The following PSMG4 variants were observed in gnomAD, a reference collection of about 807,000 sequenced individuals.
The protein encoded by PSMG4 is proteasome assembly chaperone 4.
In PSMG4, 10 loss-of-function variants were observed where a neutral mutation model predicts 11.0. The ratio of observed to expected loss-of-function variants is 0.91; its 90% confidence interval spans 0.56 to 1.54. The LOEUF (loss-of-function observed/expected upper bound fraction) is 1.54. Among genes scored for constraint, PSMG4 ranks in the 40% most tolerant of loss-of-function variants. The pLI is 0.00. For synonymous variants in PSMG4, 95 were observed against 71.3 expected, an observed-to-expected ratio of 1.33 and a Z score of -1.68; for missense variants, 198 against 160.9, an observed-to-expected ratio of 1.23 and a Z score of -1.25.
At chr6:3,259,762 C>G (rs1334645436) in intron 1 of PSMG4, among the ~76,000 whole-genome samples, 2 of 152,184 alleles carry the variant, frequency 1.3e-5, no homozygotes, top group Non-Finnish European at 2.9e-5. Flanking sequence ...CCAGTCAAAG[C>G]AGACAAAACC....
chr6:3,268,009 A>C lies in PSMG4; in HGVS notation c.*297A>C. ...AGAGTTTCAATCAGACATGACTGTG[A>C]CGTGCATCCTCAATTAGAATTAAAG... On this transcript the variant is annotated 3_prime_UTR_variant, in exon 3 of 3. Coordinates refer to ENST00000438998, the MANE Select transcript of PSMG4 (RefSeq NM_001128591.2). 1 of 232,738 alleles carries C rather than the reference A, an allele frequency of 4.3e-6. No homozygotes were observed. The allele number at this position is 232,738 out of a possible 1,614,324, so 14.4% of individuals were successfully genotyped here. A position where few individuals can be genotyped will look rare whatever the true frequency, so the allele number is the denominator to read the frequency against.
At chr6:3,256,396 C>T (rs193281614), upstream of PSMG4, among the ~76,000 whole-genome samples, 25 of 152,332 alleles carry the variant, frequency 1.6e-4, no homozygotes, top group Non-Finnish European at 2.6e-4. Flanking sequence ...GATGGTTCCC[C>T]ACTCGAGAAG....
chr6:3,255,438 C>T (rs961609664), upstream of PSMG4, among the ~76,000 whole-genome samples: 3 of 124,814 alleles, frequency 2.4e-5, no homozygotes, highest in Admixed American at 2.8e-4. Context: ...GCCACATGCC[C>T]CTTCTCAGAC....
At chr6:3,254,575 G>GT (rs1288701509), upstream of PSMG4, among the ~76,000 whole-genome samples, 1 of 152,086 alleles carries the variant, frequency 6.6e-6, no homozygotes, top group Non-Finnish European at 1.5e-5. Context: ...TGTGAGGCTG[G>GT]GAACCCAACG....
upstream of PSMG4, among the ~76,000 whole-genome samples, chr6:3,257,428 C>T (rs1389352119): frequency 1.3e-5 from 2 of 152,164 alleles, no homozygotes; most frequent in African/African-American, 2.4e-5. Context: ...CCATGCCAGC[C>T]AGGCCTTGAA....
At position 3,263,543 on chromosome 6, in the gene PSMG4, C is replaced by G; in HGVS notation, c.175-141C>G. The G allele has an allele frequency of 6.0e-6, 4 of 672,028 alleles. No homozygotes were observed. The South Asian group carries it at 6.5e-5, about 11-fold the overall frequency. The allele number at this position is 672,028 out of a possible 1,614,324, so 41.6% of individuals were successfully genotyped here. ...ACTTGGTTGTTGACGGACGCCACCCCTCTTTCCCTCGGCACCTGTGCCTGT... is the reference window on the plus strand; with the variant it reads ...ACTTGGTTGTTGACGGACGCCACCCGTCTTTCCCTCGGCACCTGTGCCTGT... On this transcript the variant is annotated intron_variant, in intron 1 of 2. Coordinates refer to ENST00000438998, the MANE Select transcript of PSMG4 (RefSeq NM_001128591.2).
At chr6:3,264,503 C>G in intron 2 of PSMG4, 5 of 1,223,186 alleles carry the variant, frequency 4.1e-6, no homozygotes, top group Middle Eastern at 2.9e-4. Context: ...ACCTCTGTGT[C>G]AGTCACACTG....
upstream of PSMG4, among the ~76,000 whole-genome samples, chr6:3,258,345 T>G (rs1222730041): frequency 6.6e-6 from 1 of 152,218 alleles, no homozygotes. Context: ...GGACTCGGCG[T>G]CCAAAAGGGT....
chr6:3,266,833 G>A (rs1758200158), intron 2 of PSMG4: 1 of 149,120 alleles, frequency 6.7e-6, no homozygotes. Context: ...TGGTGCTGAA[G>A]GAGAACTTTA....
At position 3,267,987 on chromosome 6, in the gene PSMG4, G is replaced by A; in HGVS notation, c.*275G>A. 3.3e-6 allele frequency: 1 copy of A among 299,832 alleles called. No individual in the cohort carries two copies. The highest frequency in any genetic ancestry group is 5.1e-5 in the South Asian group (1 of 19,484). The allele number at this position is 299,832 out of a possible 1,614,324, so 18.6% of individuals were successfully genotyped here. A position where few individuals can be genotyped will look rare whatever the true frequency, so the allele number is the denominator to read the frequency against. On this transcript the variant is annotated 3_prime_UTR_variant, in exon 3 of 3. Coordinates refer to ENST00000438998, the MANE Select transcript of PSMG4 (RefSeq NM_001128591.2). ...TGGGATTGAAGACTGTAATCTAAGA[G>A]TTTCAATCAGACATGACTGTGACGT...
At chr6:3,255,232 A>G (rs1757718597), upstream of PSMG4, 3 of 1,549,506 alleles carry the variant, frequency 1.9e-6, no homozygotes, top group South Asian at 2.4e-5. Context: ...CAACTCTGGT[A>G]AGCCTTCCAT....
intron 2 of PSMG4, 101 bp from the exon 3 acceptor site, chr6:3,267,490 C>G: frequency 7.3e-7 from 1 of 1,378,790 alleles, no homozygotes. Flanking sequence ...CCCTACAACC[C>G]CATCCTCTTT....
chr6:3,256,023 A>G (rs1441151267), upstream of PSMG4, among the ~76,000 whole-genome samples: 1 of 152,246 alleles, frequency 6.6e-6, no homozygotes, highest in African/African-American at 2.4e-5. Context: ...TTGGGTTTAT[A>G]GAAGTCAATT....
In PSMG4 at chr6:3,258,958, T is replaced by G. The variant is rs1311680764; in HGVS notation, c.-65T>G. ...GTCTCTCGGTGCTCGCTCCATCGGG[T>G]CTGGCGGGGCTGGCAGCGGCGAGGA... On this transcript the variant is annotated 5_prime_UTR_variant, in exon 1 of 3. Coordinates refer to ENST00000438998, the MANE Select transcript of PSMG4 (RefSeq NM_001128591.2). 1.2e-5 allele frequency: 15 copies of G among 1,221,618 alleles called. No homozygotes were observed. In the South Asian group the frequency reaches 1.6e-4, roughly 13 times the overall value. 75.7% of individuals were successfully genotyped at this position (1,221,618 alleles called of 1,614,324 possible).
At chr6:3,264,040 G>A (rs534691786) in intron 2 of PSMG4, 10 of 1,402,930 alleles carry the variant, frequency 7.1e-6, no homozygotes, top group African/African-American at 1.4e-5. Context: ...GTTGCCTTCC[G>A]TAAGTGCATC....
intron 2 of PSMG4, chr6:3,264,089 C>G: frequency 6.8e-7 from 1 of 1,478,892 alleles, no homozygotes. Context: ...GTGCCCACAG[C>G]CCCTGTGGGT....
chr6:3,266,751 TTGTG>T (rs1172461836), intron 2 of PSMG4: 1 of 150,064 alleles, frequency 6.7e-6, no homozygotes, highest in Non-Finnish European at 1.5e-5. Context: ...ACAAATATAT[TTGTG>T]TGTATACACA....
chr6:3,264,029 A>G (rs915018843), intron 2 of PSMG4: 3 of 1,366,214 alleles, frequency 2.2e-6, no homozygotes, highest in Middle Eastern at 2.4e-4. Context: ...GAGCTGATTT[A>G]GTTGCCTTCC....
chr6:3,260,031 C>T (rs1254412418), intron 1 of PSMG4, among the ~76,000 whole-genome samples: 4 of 152,096 alleles, frequency 2.6e-5, no homozygotes, highest in Admixed American at 1.3e-4. Context: ...CCTCAAACTC[C>T]TGGGCTTAAG....
Sources: allele counts gnomAD v4.1 joint callset (sites outside exome capture counted in the v4.1 genomes callset), GRCh38; gene constraint gnomAD v4.1.1; transcripts MANE v1.5; gene names NCBI Gene and HGNC (gene_info 2026-07-23, HGNC 2026-07-21).